The following MGAT4D variants were observed in gnomAD, a reference collection of about 807,000 sequenced individuals.
The protein encoded by MGAT4D is MGAT4 family member D.
MGAT4D carries 34 observed loss-of-function variants against 15.9 expected under a neutral mutation model. The ratio of observed to expected loss-of-function variants is 2.14; its 90% CI spans 1.62 to 2.84. The LOEUF (loss-of-function observed/expected upper bound fraction) is 2.84, where lower values mean the gene tolerates loss of function less well. MGAT4D is among the 30% of genes most tolerant of loss of function. The pLI is 0.00. For synonymous variants in MGAT4D, 112 were observed against 48.2 expected, an observed-to-expected ratio of 2.33 and a Z score of -5.49; for missense variants, 327 against 140.2, an observed-to-expected ratio of 2.33 and a Z score of -6.73.
chr4:140,486,514 C>T (rs967813366), intron 1 of MGAT4D, among the ~76,000 whole-genome samples: 48 of 152,064 alleles, frequency 3.2e-4, no homozygotes, highest in African/African-American at 1.0e-3. Context: ...AAACAGGCCC[C>T]GGTGTGTGAT....
chr4:140,494,459 C>G (rs1473296640), intron 1 of MGAT4D, among the ~76,000 whole-genome samples: 1 of 152,178 alleles, frequency 6.6e-6, no homozygotes, highest in African/African-American at 2.4e-5. Context: ...AGACTTACTC[C>G]TTTTGTTCAC....
intron 1 of MGAT4D, among the ~76,000 whole-genome samples, chr4:140,487,380 A>C (rs1248186707): frequency 6.6e-6 from 1 of 152,214 alleles, no homozygotes; most frequent in Non-Finnish European, 1.5e-5. Flanking sequence ...GCTAGATCCT[A>C]AGTGCCACTG....
At chr4:140,475,873 T>C (rs557504498) in intron 3 of MGAT4D, among the ~76,000 whole-genome samples, 1 of 144,378 alleles carries the variant, frequency 6.9e-6, no homozygotes, top group Admixed American at 7.2e-5. Flanking sequence ...GTGCAATGGC[T>C]CAATCTCAGC....
intron 1 of MGAT4D, among the ~76,000 whole-genome samples, chr4:140,485,376 G>A (rs2126844182): frequency 6.6e-6 from 1 of 151,662 alleles, no homozygotes; most frequent in African/African-American, 2.4e-5. Context: ...ACAGGAAGGG[G>A]AACATCACAC....
chr4:140,472,382 C>T (rs1382141543), intron 4 of MGAT4D, among the ~76,000 whole-genome samples: 1 of 152,236 alleles, frequency 6.6e-6, no homozygotes, highest in South Asian at 2.1e-4. Flanking sequence ...TGATGGTTTA[C>T]CCTCTTGGGA....
At chr4:140,461,880 TACACACACACACACACACAC>T in intron 7 of MGAT4D, 29 bp downstream of exon 7, 6 of 534,552 alleles carry the variant, frequency 1.1e-5, no homozygotes, top group Non-Finnish European at 1.7e-5. Context: ...AATTGGTGTA[TACACACACACACACACACAC>T]ACACACACAC....
At chr4:140,457,082 T>A (rs1273213209) in intron 8 of MGAT4D, 1 of 152,728 alleles carries the variant, frequency 6.5e-6, no homozygotes, top group Non-Finnish European at 1.5e-5. Flanking sequence ...TTTACCTGAT[T>A]TTTGTAGCAC....
chr4:140,453,278 A>G (rs1730585691), intron 9 of MGAT4D, among the ~76,000 whole-genome samples: 1 of 152,066 alleles, frequency 6.6e-6, no homozygotes, highest in Non-Finnish European at 1.5e-5. Flanking sequence ...CTTTGGTAGA[A>G]TATCTACCAA....
At chr4:140,448,734 G>T (rs1293049952) in intron 10 of MGAT4D, among the ~76,000 whole-genome samples, 1 of 152,176 alleles carries the variant, frequency 6.6e-6, no homozygotes, top group Non-Finnish European at 1.5e-5. Flanking sequence ...AAGAGCCTTT[G>T]CTAGAGAACT....
rs189279651 is a variant in MGAT4D, at chr4:140,484,879, G to A, written c.95-2394C>T. Among the ~76,000 whole-genome samples the A allele has an allele frequency of 5.0e-3, 757 of 152,258 alleles. 1 individual carries two copies. Among genetic ancestry groups the A allele is most frequent in the Non-Finnish European group, 6.6e-3 (447 of 68,014 alleles). Reference sequence around the variant, plus strand: ...ACCATTTCACACCAGTTAGAATGGCGATCATTAAAAAGTCAGGAAACAACA... The same window carrying A: ...ACCATTTCACACCAGTTAGAATGGCAATCATTAAAAAGTCAGGAAACAACA... On this transcript the variant is annotated intron_variant, in intron 1 of 10. Transcript: ENST00000511113.
At chr4:140,456,799 A>G (rs2126703448) in intron 8 of MGAT4D, 80 bp from the exon 9 acceptor site, 1 of 545,514 alleles carries the variant, frequency 1.8e-6, no homozygotes, top group East Asian at 3.0e-5. Context: ...AGCAAAAGTT[A>G]TTAAAATTTA....
chr4:140,462,108 T>C (rs1346636420), intron 6 of MGAT4D, 104 bp from the exon 7 acceptor site: 2 of 544,730 alleles, frequency 3.7e-6, no homozygotes, highest in Admixed American at 6.0e-5. Context: ...CTAACAGTAC[T>C]AGCTACAATT....
intron 1 of MGAT4D, among the ~76,000 whole-genome samples, chr4:140,489,206 AAAG>A (rs1457724864): frequency 5.3e-5 from 8 of 152,166 alleles, no homozygotes; most frequent in Non-Finnish European, 1.2e-4. Flanking sequence ...GGTTCCAAAT[AAAG>A]AATATCTAAG....
At chr4:140,449,651 T>G (rs1327592201) in intron 10 of MGAT4D, among the ~76,000 whole-genome samples, 3 of 152,092 alleles carry the variant, frequency 2.0e-5, no homozygotes, top group Non-Finnish European at 2.9e-5. Context: ...TCCCAGCTAC[T>G]TGGGAGGCTG....
At chr4:140,477,536 T>C (rs1274688741) in intron 3 of MGAT4D, among the ~76,000 whole-genome samples, 1 of 152,228 alleles carries the variant, frequency 6.6e-6, no homozygotes, top group East Asian at 1.9e-4. Context: ...AGGAGGTATG[T>C]TCATTATAGG....
At chr4:140,488,284 G>GAAA (rs1733274928) in intron 1 of MGAT4D, among the ~76,000 whole-genome samples, 1 of 152,166 alleles carries the variant, frequency 6.6e-6, no homozygotes, top group Non-Finnish European at 1.5e-5. Context: ...GAAGCATGCT[G>GAAA]AGATTTCTAT....
chr4:140,492,625 C>T (rs1302354201), intron 1 of MGAT4D, among the ~76,000 whole-genome samples: 7 of 141,022 alleles, frequency 5.0e-5, no homozygotes, highest in African/African-American at 2.7e-5. Flanking sequence ...AAGACTCTGT[C>T]TCAAAAAAAA....
chr4:140,486,787 G>A (rs1426714052), intron 1 of MGAT4D, among the ~76,000 whole-genome samples: 2 of 152,208 alleles, frequency 1.3e-5, no homozygotes, highest in African/African-American at 4.8e-5. Flanking sequence ...ACTGAATCAT[G>A]CTTTAATCAA....
intron 3 of MGAT4D, among the ~76,000 whole-genome samples, chr4:140,477,079 A>T (rs1241051): frequency 1 from 152,251 of 152,316 alleles, 76,093 homozygotes; most frequent in Non-Finnish European, 1. Flanking sequence ...CAGCCCCAAT[A>T]GTGCATGCAA....
Sources: gnomAD v4.1 joint callset for allele counts (sites outside exome capture counted in the v4.1 genomes callset) on GRCh38, gnomAD v4.1.1 for gene constraint, MANE v1.5 for transcripts, NCBI Gene and HGNC (gene_info 2026-07-23, HGNC 2026-07-21) for gene names.